TXNDC9: variants seen among roughly 807,000 people sequenced by gnomAD.
TXNDC9 encodes the protein thioredoxin domain containing 9.
A neutral mutation model predicts 23.0 loss-of-function variants in TXNDC9; 7 were observed. The observed-to-expected ratio is 0.30, with a 90% confidence interval of 0.17 to 0.57. The LOEUF (loss-of-function observed/expected upper bound fraction) is 0.57. Among genes scored for constraint, TXNDC9 ranks in the 20% least tolerant of loss-of-function variants. The probability of loss-of-function intolerance (pLI) is 0.90; values close to 1 mark genes in which losing one functional copy is unlikely to be tolerated. For missense variants in TXNDC9, 198 were observed against 252.6 expected (o/e 0.78, Z 1.47); for synonymous variants, 72 against 90.6 (o/e 0.79, Z 1.17).
intron 3 of TXNDC9, among the ~76,000 whole-genome samples, chr2:99,323,361 T>G (rs1461275633): frequency 6.6e-6 from 1 of 151,804 alleles, no homozygotes; most frequent in East Asian, 2.0e-4. Context: ...GAGCCGAAAC[T>G]GTGCCGTTGT....
chr2:99,314,529 C>CTTATTTTTTTTTTTT, downstream of TXNDC9, among the ~76,000 whole-genome samples: 1 of 97,446 alleles, frequency 1.0e-5, no homozygotes, highest in Non-Finnish European at 1.9e-5. Context: ...AATACTACAC[C>CTTATTTTTTTTTTTT]TTTTTTTTTT....
intron 1 of TXNDC9, 75 bp downstream of exon 1, chr2:99,336,164 C>T: frequency 2.0e-6 from 2 of 980,774 alleles, no homozygotes; most frequent in Non-Finnish European, 2.4e-6. Context: ...TCCTCCGCTC[C>T]GGATGTGGAG....
chr2:99,322,552 G>C lies in TXNDC9; in HGVS notation c.309-343C>G, dbSNP rs756514235. On this transcript the variant is annotated intron_variant, in intron 3 of 4. Coordinates refer to ENST00000264255, the MANE Select transcript of TXNDC9 (RefSeq NM_005783.4). ...AACTGAAACTTGACAAAACTCGGAA[G>C]AGACTTACAAGAATCAGAAGTGCAC... 4.7e-6 allele frequency: 7 copies of C among 1,502,626 alleles called. No homozygotes were observed. In the Admixed American group the frequency reaches 1.8e-4, roughly 38 times the overall value. 93.1% of individuals were successfully genotyped at this position (1,502,626 alleles called of 1,614,324 possible).
chr2:99,331,787 T>C (rs1364948689), intron 2 of TXNDC9, among the ~76,000 whole-genome samples: 1 of 152,172 alleles, frequency 6.6e-6, no homozygotes, highest in Non-Finnish European at 1.5e-5. Context: ...TGGAGTGCAG[T>C]AGCACAATCT....
intron 2 of TXNDC9, among the ~76,000 whole-genome samples, chr2:99,330,839 A>G (rs1458591919): frequency 6.6e-6 from 1 of 152,246 alleles, no homozygotes; most frequent in Non-Finnish European, 1.5e-5. Flanking sequence ...AAGAATATCT[A>G]TACAAATCAC....
intron 2 of TXNDC9, 79 bp downstream of exon 2, chr2:99,332,943 A>G: frequency 8.7e-7 from 1 of 1,153,736 alleles, no homozygotes; most frequent in Non-Finnish European, 1.3e-6. Flanking sequence ...ACGAAATGTA[A>G]CTACTACAGC....
chr2:99,322,468 T>C (rs991018496), intron 3 of TXNDC9: 17 of 1,321,172 alleles, frequency 1.3e-5, no homozygotes, highest in South Asian at 1.7e-5. Flanking sequence ...ATTAAATATA[T>C]GCTTTAAGTC....
rs762925793 is a variant in TXNDC9, at chr2:99,332,855, C to G, written c.189+167G>C. On this transcript the variant is annotated intron_variant, in intron 2 of 4. Transcript: ENST00000264255. ...TAGAGATTGGGCTAATTTTGAATGTCTTTAAAACATATTTTTTTCTGGGCA... is the reference window on the plus strand; with the variant it reads ...TAGAGATTGGGCTAATTTTGAATGTGTTTAAAACATATTTTTTTCTGGGCA... 3.2e-5 allele frequency: 19 copies of G among 599,004 alleles called. 1 individual carries two copies. The highest frequency in any genetic ancestry group is 4.6e-5 in the Non-Finnish European group (16 of 344,340). 37.1% of individuals were successfully genotyped at this position (599,004 alleles called of 1,614,324 possible). A position where few individuals can be genotyped will look rare whatever the true frequency, so the allele number is the denominator to read the frequency against.
In TXNDC9 at chr2:99,333,008, G is replaced by A. The variant is rs771920595; in HGVS notation, c.189+14C>T. 78 of 1,603,070 alleles carry A rather than the reference G, an allele frequency of 4.9e-5. No homozygotes were observed. In the South Asian group the frequency reaches 8.5e-4, roughly 17 times the overall value. On this transcript the variant is annotated intron_variant, in intron 2 of 4. Coordinates refer to ENST00000264255, the MANE Select transcript of TXNDC9 (RefSeq NM_005783.4). ...CTGTTATAGCAATTTCAGAAAGCAG[G>A]GCAGAGAGGTTACTTGTTTCTGCTG... is the stretch of plus-strand genomic sequence containing the variant.
At chr2:99,332,852 T>C (rs1318141335) in intron 2 of TXNDC9, 170 bp downstream of exon 2, 8 of 581,622 alleles carry the variant, frequency 1.4e-5, no homozygotes, top group Non-Finnish European at 2.1e-5. Context: ...TAATTTTGAA[T>C]GTCTTTAAAA....
At chr2:99,332,823 A>G (rs2094229176) in intron 2 of TXNDC9, 199 bp downstream of exon 2, 2 of 527,442 alleles carry the variant, frequency 3.8e-6, no homozygotes, top group Non-Finnish European at 6.6e-6. Flanking sequence ...TCGACTGTGG[A>G]TTAATATAGA....
chr2:99,322,408 A>G (rs1463994643), intron 3 of TXNDC9, 199 bp from the exon 4 acceptor site: 23 of 1,220,166 alleles, frequency 1.9e-5, no homozygotes, highest in African/African-American at 3.1e-5. Flanking sequence ...AAAACAGCCT[A>G]TAAGATTCTA....
At chr2:99,310,097 T>C in the TXNDC9 span, among the ~76,000 whole-genome samples, 3 of 152,224 alleles carry the variant, frequency 2.0e-5, no homozygotes, top group East Asian at 1.9e-4. Context: ...TTGTGAAAGA[T>C]CATGACAATA....
downstream of TXNDC9, among the ~76,000 whole-genome samples, chr2:99,318,137 C>G (rs539131087): frequency 1.7e-4 from 26 of 152,290 alleles, 1 homozygote; most frequent in South Asian, 5.0e-3. Flanking sequence ...GTGATCTGCC[C>G]GCCTTGGCCT....
At chr2:99,330,316 A>AAAAAAAC in intron 2 of TXNDC9, among the ~76,000 whole-genome samples, 1 of 143,898 alleles carries the variant, frequency 6.9e-6, no homozygotes, top group Non-Finnish European at 1.5e-5. Flanking sequence ...AAAAAAAAAA[A>AAAAAAAC]AAAGCTGCTA....
chr2:99,322,542 A>G (rs909620788), intron 3 of TXNDC9: 2 of 1,493,300 alleles, frequency 1.3e-6, no homozygotes, highest in Non-Finnish European at 1.8e-6. Flanking sequence ...AAACTTGACA[A>G]AACTCGGAAG....
At chr2:99,335,963 C>T (rs745524529) in intron 1 of TXNDC9, among the ~76,000 whole-genome samples, 10 of 152,242 alleles carry the variant, frequency 6.6e-5, no homozygotes, top group Admixed American at 1.3e-4. Flanking sequence ...TTACAGGTAT[C>T]CGCCAAAACA....
intron 3 of TXNDC9, among the ~76,000 whole-genome samples, chr2:99,324,475 TTAAA>T (rs2094209178): frequency 6.6e-6 from 1 of 152,220 alleles, no homozygotes; most frequent in Non-Finnish European, 1.5e-5. Flanking sequence ...TAAATGGTTT[TTAAA>T]TAAAGCTCAA....
chr2:99,322,567 C>T (rs2094205012), intron 3 of TXNDC9: 1 of 1,515,050 alleles, frequency 6.6e-7, no homozygotes, highest in Non-Finnish European at 8.8e-7. Context: ...TTACAAGAAT[C>T]AGAAGTGCAC....
Sources: allele counts gnomAD v4.1 joint callset (sites outside exome capture counted in the v4.1 genomes callset), GRCh38; gene constraint gnomAD v4.1.1; transcripts MANE v1.5; gene names NCBI Gene and HGNC (gene_info 2026-07-23, HGNC 2026-07-21).